The following CUX1 variants were observed in gnomAD, a reference collection of about 807,000 sequenced individuals.
CUX1 encodes cut like homeobox 1.
CUX1 carries 31 observed loss-of-function variants against 158.8 expected under a neutral mutation model. The observed-to-expected ratio is 0.20, with a 90% CI of 0.15 to 0.26. CUX1 has a LOEUF of 0.26. CUX1 is among the 10% of genes least tolerant of loss of function. The probability of loss-of-function intolerance (pLI) is 1.00; values close to 1 mark genes in which losing one functional copy is unlikely to be tolerated. For synonymous variants in CUX1, 879 were observed against 862.1 expected (o/e 1.02, Z -0.34); for missense variants, 1,589 against 2,014.6 (o/e 0.79, Z 4.04).
chr7:102,125,145 C>T (rs1185711040), intron 8 of CUX1, among the ~76,000 whole-genome samples: 3 of 152,142 alleles, frequency 2.0e-5, no homozygotes, highest in Admixed American at 6.6e-5. Flanking sequence ...ACTCTGTACA[C>T]CACAGGCTTA....
intron 11 of CUX1, among the ~76,000 whole-genome samples, chr7:102,189,583 G>A (rs375798403): frequency 6.6e-6 from 1 of 152,046 alleles, no homozygotes; most frequent in African/African-American, 2.4e-5. Flanking sequence ...TAAGTTGTAC[G>A]TTACAACCTT....
intron 2 of CUX1, among the ~76,000 whole-genome samples, chr7:101,958,094 G>A (rs1563060194): frequency 6.6e-6 from 1 of 152,174 alleles, no homozygotes; most frequent in Non-Finnish European, 1.5e-5. Context: ...AATACTTGCT[G>A]TTATTAGTGG....
chr7:101,965,518 T>C (rs1471747797), intron 2 of CUX1, among the ~76,000 whole-genome samples: 2 of 152,104 alleles, frequency 1.3e-5, no homozygotes, highest in Non-Finnish European at 2.9e-5. Flanking sequence ...ACTGCGGTAC[T>C]GCTCCAGAAA....
Position 101,984,123 on chromosome 7 carries a change from TATATATACAC to T in CUX1, c.142-43973_142-43964del, listed in dbSNP as rs1563092001. On this transcript the variant is annotated intron_variant, in intron 2 of 23. Coordinates refer to ENST00000292535, the MANE Select transcript of CUX1 (RefSeq NM_181552.4). ...ATATATATATATATATATATATATATATATATACACACACACATATATATATGTGTGTGTG... is the reference window on the plus strand; with the variant it reads ...ATATATATATATATATATATATATATACACACATATATATATGTGTGTGTG... Among the ~76,000 whole-genome samples the T allele has an allele frequency of 2.9e-4, 12 of 42,064 alleles. 1 individual carries two copies. The highest frequency in any genetic ancestry group is 8.4e-4 in the African/African-American group (10 of 11,962). The allele number at this position is 42,064 out of a possible 152,430, so 27.6% of individuals were successfully genotyped here. A position where few individuals can be genotyped will look rare whatever the true frequency, so the allele number is the denominator to read the frequency against.
At chr7:102,278,911 G>A (rs978436506) in intron 18 of CUX1, among the ~76,000 whole-genome samples, 4 of 150,930 alleles carry the variant, frequency 2.7e-5, no homozygotes, top group Admixed American at 1.3e-4. Flanking sequence ...ATCGTGGCAC[G>A]TGCCTGTAGT....
intron 23 of CUX1, among the ~76,000 whole-genome samples, chr7:102,241,720 C>T (rs1368724091): frequency 6.6e-6 from 1 of 152,252 alleles, no homozygotes; most frequent in South Asian, 2.1e-4. Flanking sequence ...GCACCTGCTA[C>T]GTGGACCCTA....
chr7:102,069,520 G>T (rs750862908), intron 3 of CUX1, among the ~76,000 whole-genome samples: 1 of 152,128 alleles, frequency 6.6e-6, no homozygotes, highest in Non-Finnish European at 1.5e-5. Context: ...AGGCTGAGGC[G>T]GGCAGATCAC....
At chr7:102,243,072 G>A (rs1195564571) in intron 23 of CUX1, among the ~76,000 whole-genome samples, 7 of 152,084 alleles carry the variant, frequency 4.6e-5, no homozygotes, top group Admixed American at 4.6e-4. Flanking sequence ...CCAGGAGTTC[G>A]AGACCAGCCT....
chr7:101,848,063 A>C (rs910833311), intron 1 of CUX1, among the ~76,000 whole-genome samples: 1 of 151,426 alleles, frequency 6.6e-6, no homozygotes, highest in African/African-American at 2.4e-5. Context: ...AAAAAAAAAA[A>C]AAAAAAAAAA....
At chr7:102,025,605 G>A (rs1282664189) in intron 2 of CUX1, among the ~76,000 whole-genome samples, 7 of 151,882 alleles carry the variant, frequency 4.6e-5, no homozygotes, top group Admixed American at 4.6e-4. Context: ...TCCAGCCTGG[G>A]TGACAGAGCC....
chr7:102,142,230 T>A (rs1585879580), intron 8 of CUX1, among the ~76,000 whole-genome samples: 1 of 152,268 alleles, frequency 6.6e-6, no homozygotes, highest in South Asian at 2.1e-4. Flanking sequence ...TTTGGCGCAT[T>A]CTTGGGCAGC....
At chr7:101,997,570 C>G (rs1410743168) in intron 2 of CUX1, among the ~76,000 whole-genome samples, 2 of 152,058 alleles carry the variant, frequency 1.3e-5, no homozygotes, top group Non-Finnish European at 2.9e-5. Context: ...TCTCAAACTT[C>G]TGAACTCAAA....
At chr7:102,118,641 T>C (rs1831686775) in intron 8 of CUX1, among the ~76,000 whole-genome samples, 1 of 152,242 alleles carries the variant, frequency 6.6e-6, no homozygotes, top group Non-Finnish European at 1.5e-5. Context: ...TAGGGTCCAC[T>C]ACGAGCTCTC....
chr7:101,900,534 A>C (rs962069925), intron 1 of CUX1, among the ~76,000 whole-genome samples: 1 of 152,238 alleles, frequency 6.6e-6, no homozygotes, highest in Admixed American at 6.5e-5. Flanking sequence ...TTGGCCTGGC[A>C]TAAGCTCTCC....
At chr7:101,886,340 TG>T (rs1189383690) in intron 1 of CUX1, among the ~76,000 whole-genome samples, 2 of 152,076 alleles carry the variant, frequency 1.3e-5, no homozygotes, top group Admixed American at 6.6e-5. Flanking sequence ...ACTATAGGTG[TG>T]CGCCGCCATG....
chr7:101,881,532 C>T (rs1392393520), intron 1 of CUX1, among the ~76,000 whole-genome samples: 1 of 152,218 alleles, frequency 6.6e-6, no homozygotes, highest in Non-Finnish European at 1.5e-5. Context: ...ATGTTTCTTG[C>T]TCTTATCTTT....
rs782819071 is a variant in CUX1 at position 102,227,453 on chromosome 7, C to T, written c.3217C>T (p.Leu1073=). ...SSESVKSLTE[L]VQQPCPPIEA... The stretch of plus-strand genomic sequence containing the variant: ...TGAGTCGGTGAAGAGCCTGACCGAG[C>T]TGGTCCAGCAGCCCTGTCCCCCCAT... The change falls in exon 21 of 24, where the codon CTG becomes TTG. Residue 1073 remains leucine, a synonymous_variant. Coordinates refer to ENST00000292535, the MANE Select transcript of CUX1 (RefSeq NM_181552.4). 4 of 1,614,082 alleles carry T rather than the reference C, an allele frequency of 2.5e-6. No individual in the cohort carries two copies. The highest frequency in any genetic ancestry group is 2.2e-5 in the South Asian group (2 of 91,082).
intron 1 of CUX1, among the ~76,000 whole-genome samples, chr7:101,844,067 T>A (rs1490543569): frequency 6.6e-6 from 1 of 152,146 alleles, no homozygotes; most frequent in Non-Finnish European, 1.5e-5. Context: ...CCCTGGCCAA[T>A]CAGGGCTCAG....
At chr7:102,119,808 A>G (rs1831844413) in intron 8 of CUX1, among the ~76,000 whole-genome samples, 1 of 151,994 alleles carries the variant, frequency 6.6e-6, no homozygotes, top group South Asian at 2.1e-4. Context: ...TAGCCTCTCA[A>G]AGTGCTGGGA....
Sources: allele counts gnomAD v4.1 joint callset (sites outside exome capture counted in the v4.1 genomes callset), GRCh38; gene constraint gnomAD v4.1.1; transcripts MANE v1.5; gene names NCBI Gene and HGNC (gene_info 2026-07-23, HGNC 2026-07-21).